The following NOM1 variants were observed in gnomAD, a reference collection of about 807,000 sequenced individuals.
NOM1 encodes the protein nucleolar MIF4G domain-containing protein 1.
In NOM1, 58 loss-of-function variants were observed where a neutral mutation model predicts 73.3. The ratio of observed to expected loss-of-function variants is 0.79; its 90% CI spans 0.64 to 0.99. The LOEUF (loss-of-function observed/expected upper bound fraction) is 0.99. Among genes scored for constraint, NOM1 ranks in the 50% least tolerant of loss-of-function variants. The pLI, the probability that NOM1 is intolerant of heterozygous loss-of-function variation, is 0.00. For missense variants in NOM1, 1,226 were observed against 1,131.9 expected (o/e 1.08, Z -1.19); for synonymous variants, 487 against 446.8 (o/e 1.09, Z -1.14).
At position 156,954,215 on chromosome 7, in the gene NOM1, G is replaced by A. The variant is rs1468427199; in HGVS notation, c.1225G>A (p.Val409Ile). The part of the protein sequence containing the change: ...TLTSALMGAC[V>I]TASAMPSRLM... ...GACCTCCGCTCTCATGGGTGCCTGC[G>A]TCACTGCCTCGGCCATGCCCAGCAG... is the stretch of plus-strand genomic sequence containing the variant. Residue 409 changes from valine to isoleucine, a missense_variant, in exon 3 of 11, where the codon GTC (valine) becomes ATC (isoleucine). Transcript: ENST00000275820. The A allele has an allele frequency of 1.1e-5, 18 of 1,613,720 alleles. No homozygotes were observed. Among genetic ancestry groups the A allele is most frequent in the Non-Finnish European group, 1.5e-5 (18 of 1,179,906 alleles).
Position 156,966,821 on chromosome 7 carries a change from T to C in NOM1, c.2167-140T>C, listed in dbSNP as rs774418135. On this transcript the variant is annotated intron_variant, in intron 8 of 10. Coordinates refer to ENST00000275820, the MANE Select transcript of NOM1 (RefSeq NM_138400.2). ...GACTATGCTCTATAGGCAAGAACAG[T>C]GAGGCCACCACTAAAAGTCTTGATG... 964 of 901,300 alleles carry C rather than the reference T, an allele frequency of 1.1e-3. 2 individuals carry two copies. Among genetic ancestry groups the C allele is most frequent in the Admixed American group, 1.8e-3 (61 of 34,068 alleles). The allele number at this position is 901,300 out of a possible 1,614,324, so 55.8% of individuals were successfully genotyped here.
intron 4 of NOM1, among the ~76,000 whole-genome samples, chr7:156,961,088 G>C (rs1804852886): frequency 6.6e-6 from 1 of 152,214 alleles, no homozygotes; most frequent in Non-Finnish European, 1.5e-5. Context: ...CTCTCGTAGA[G>C]GGGGTCCTGG....
chr7:156,957,957 A>G (rs1804768846), intron 3 of NOM1, among the ~76,000 whole-genome samples: 1 of 152,206 alleles, frequency 6.6e-6, no homozygotes, highest in Non-Finnish European at 1.5e-5. Flanking sequence ...TTGAATGGAA[A>G]CTACAGGTTG....
In NOM1 at chr7:156,967,013, C is replaced by G. The variant is rs769979743; in HGVS notation, c.2219C>G (p.Pro740Arg). 2 of 1,613,742 alleles carry G rather than the reference C, an allele frequency of 1.2e-6. No homozygotes were observed. The highest frequency in any genetic ancestry group is 3.3e-5 in the Admixed American group (2 of 59,914). The change falls in exon 9 of 11, where the codon CCA (proline) becomes CGA (arginine). Residue 740 changes from proline (P) to arginine (R), a missense_variant. Physicochemically the swap from Pro to Arg is moderately radical, Grantham distance 103. Transcript: ENST00000275820. ...WDKFRDLENL[P>R]ATNFSNLVHL... ...AAATTTCGGGACTTGGAAAACTTGC[C>G]AGCTACGAATTTCTCTAATTTGGTT...
At position 156,952,487 on chromosome 7, in the gene NOM1, G is replaced by A. The variant is rs1804618762; in HGVS notation, c.1001G>A (p.Ser334Asn). 6 of 1,611,092 alleles carry A rather than the reference G, an allele frequency of 3.7e-6. No homozygotes were observed. Among genetic ancestry groups the A allele is most frequent in the Non-Finnish European group, 4.2e-6 (5 of 1,179,274 alleles). ...GDITDKSLCGSGEKYIPPHVR... is the reference protein window; with the variant it reads ...GDITDKSLCGNGEKYIPPHVR... Reference sequence around the variant, plus strand: ...CTTTTCAAGCAGAGTCTTTGTGGAAGTGGTGAAAAGTACATCCCACCTCAT... The same window carrying A: ...CTTTTCAAGCAGAGTCTTTGTGGAAATGGTGAAAAGTACATCCCACCTCAT... Residue 334 changes from serine to asparagine, a missense_variant, in exon 2 of 11, where the codon AGT becomes AAT. Ser to Asn is a conservative substitution (Grantham distance 46). Coordinates refer to ENST00000275820, the MANE Select transcript of NOM1 (RefSeq NM_138400.2).
chr7:156,958,083 T>C (rs570171320), intron 3 of NOM1, among the ~76,000 whole-genome samples: 4 of 142,228 alleles, frequency 2.8e-5, no homozygotes, highest in Admixed American at 1.4e-4. Flanking sequence ...TGGATTCTTC[T>C]AGCGTTGATT....
In NOM1 at chr7:156,956,919, A is replaced by G. The variant is rs142236785; in HGVS notation, c.1308+2621A>G. ...CCCTGTCCTCCTAGAGGACACTGGT[A>G]TGCTTCAGCTGACTTAATCATCAGA... On this transcript the variant is annotated intron_variant, in intron 3 of 10. Transcript: ENST00000275820. 6.8e-4 allele frequency among the ~76,000 whole-genome samples: 103 copies of G among 152,304 alleles called. 1 individual carries two copies. The East Asian group carries it at 0.015, about 22-fold the overall frequency.
intron 3 of NOM1, among the ~76,000 whole-genome samples, chr7:156,956,147 C>T (rs572817892): frequency 6.6e-5 from 10 of 151,272 alleles, no homozygotes; most frequent in East Asian, 3.9e-4. Context: ...GAGCCGAGAT[C>T]GCGTCACTGC....
intron 9 of NOM1, 158 bp from the exon 10 acceptor site, chr7:156,968,929 C>T (rs1056536279): frequency 1.7e-6 from 1 of 583,530 alleles, no homozygotes; most frequent in African/African-American, 1.9e-5. Context: ...TCCTTGCCAA[C>T]AGGTGTTCAT....
At chr7:156,960,662 A>G (rs1444787399) in intron 4 of NOM1, among the ~76,000 whole-genome samples, 1 of 152,180 alleles carries the variant, frequency 6.6e-6, no homozygotes, top group Non-Finnish European at 1.5e-5. Context: ...ATCACAAGAG[A>G]AAAAGGCAGA....
In NOM1 at chr7:156,963,952, A is replaced by G. The variant is rs10267297; in HGVS notation, c.1959A>G (p.Thr653=). The part of the protein sequence containing the change: ...LELARKQRMN[T]DIRRNIFCTI... ...TCGCCCGGAAGCAGAGGATGAACAC[A>G]GACATCCGGAGAAACATATTCTGCA... is the stretch of plus-strand genomic sequence containing the variant. Residue 653 remains threonine (T), a synonymous_variant, in exon 7 of 11, where the codon ACA becomes ACG. Coordinates refer to ENST00000275820, the MANE Select transcript of NOM1 (RefSeq NM_138400.2). The G allele has an allele frequency of 6.3e-3, 10,101 of 1,614,070 alleles. 502 individuals are homozygous for G. The African/African-American group carries it at 0.11, about 18-fold the overall frequency.
At chr7:156,953,090 G>A (rs573057093) in intron 2 of NOM1, among the ~76,000 whole-genome samples, 1 of 152,022 alleles carries the variant, frequency 6.6e-6, no homozygotes, top group Non-Finnish European at 1.5e-5. Context: ...GAGGATGTGT[G>A]TGTGCATGTG....
At chr7:156,959,408 T>TC (rs1426369225) in intron 3 of NOM1, among the ~76,000 whole-genome samples, 1 of 151,374 alleles carries the variant, frequency 6.6e-6, no homozygotes. Context: ...TGGCTAATTT[T>TC]TTTTTGTATT....
rs1358941822 is a variant in NOM1 at position 156,973,018 on chromosome 7, A to C, written c.*3315A>C. ...AAATACTGCAGGATGCTTAGTGCTC[A>C]GTGTTATGTATGAACTTGTGGACTT... On this transcript the variant is annotated 3_prime_UTR_variant, in exon 11 of 11. Transcript: ENST00000275820. 1 of 152,226 alleles carries C rather than the reference A, an allele frequency of 6.6e-6. No homozygotes were observed. Among genetic ancestry groups the C allele is most frequent in the Admixed American group, 6.5e-5 (1 of 15,274 alleles). 9.4% of individuals were successfully genotyped at this position (152,226 alleles called of 1,614,324 possible). A position where few individuals can be genotyped will look rare whatever the true frequency, so the allele number is the denominator to read the frequency against.
chr7:156,964,764 G>A (rs1002321898), intron 7 of NOM1, among the ~76,000 whole-genome samples: 13 of 152,074 alleles, frequency 8.5e-5, no homozygotes, highest in Non-Finnish European at 1.9e-4. Context: ...TCTAGTTGGA[G>A]TGGAAGTCCT....
chr7:156,962,027 C>T (rs1804875902), intron 4 of NOM1, 124 bp from the exon 5 acceptor site: 5 of 752,460 alleles, frequency 6.6e-6, no homozygotes, highest in Non-Finnish European at 1.2e-5. Flanking sequence ...TAAAGGCTGT[C>T]CTGACTTTGT....
Position 156,954,171 on chromosome 7 carries a change from A to G in NOM1, c.1181A>G (p.Lys394Arg). The G allele has an allele frequency of 6.2e-7, 1 of 1,613,738 alleles. No individual in the cohort carries two copies. The highest frequency in any genetic ancestry group is 1.3e-5 in the African/African-American group (1 of 74,998). Residue 394 changes from lysine (K) to arginine (R), a missense_variant, in exon 3 of 11, where the codon AAG becomes AGG. Transcript: ENST00000275820. ...GAACTGTACATGGCCCACAGCAGAAAGGACATGAATGACACCCTGACCTCC... is the reference window on the plus strand; with the variant it reads ...GAACTGTACATGGCCCACAGCAGAAGGGACATGAATGACACCCTGACCTCC... ...LEELYMAHSR[K>R]DMNDTLTSAL...
chr7:156,967,447 G>A (rs778645727), intron 9 of NOM1, among the ~76,000 whole-genome samples: 4 of 152,200 alleles, frequency 2.6e-5, no homozygotes, highest in Non-Finnish European at 5.9e-5. Context: ...GTTTGCTCAC[G>A]TTGATGTAAG....
At position 156,950,394 on chromosome 7, in the gene NOM1, T is replaced by G; in HGVS notation, c.657T>G (p.Ile219Met). 1 of 1,614,194 alleles carries G rather than the reference T, an allele frequency of 6.2e-7. No homozygotes were observed. The highest frequency in any genetic ancestry group is 1.3e-5 in the African/African-American group (1 of 75,056). Residue 219 changes from isoleucine to methionine, a missense_variant, in exon 1 of 11, where the codon ATT becomes ATG. Coordinates refer to ENST00000275820, the MANE Select transcript of NOM1 (RefSeq NM_138400.2). Reference sequence around the variant, plus strand: ...TTGCACGCGACGGTCTTGACTATATTCTGGGAGCCCTGGAGTCTGGGAAAA... The same window carrying G: ...TTGCACGCGACGGTCTTGACTATATGCTGGGAGCCCTGGAGTCTGGGAAAA... ...LSFARDGLDYILGALESGKNS... is the reference protein window; with the variant it reads ...LSFARDGLDYMLGALESGKNS...
Sources: allele counts gnomAD v4.1 joint callset (sites outside exome capture counted in the v4.1 genomes callset), GRCh38; gene constraint gnomAD v4.1.1; transcripts MANE v1.5; gene names NCBI Gene and HGNC (gene_info 2026-07-23, HGNC 2026-07-21).